The following PCDHA2 variants were observed in gnomAD, a reference collection of about 807,000 sequenced individuals.
The protein encoded by PCDHA2 is protocadherin alpha-2.
A neutral mutation model predicts 66.0 loss-of-function variants in PCDHA2; 58 were observed. The ratio of observed to expected loss-of-function variants is 0.88; its 90% confidence interval spans 0.71 to 1.09. The LOEUF (loss-of-function observed/expected upper bound fraction) is 1.09, where lower values mean the gene tolerates loss of function less well. Ranked by LOEUF, PCDHA2 falls within the 50% of genes least tolerant of loss-of-function variation. The pLI, the probability that PCDHA2 is intolerant of heterozygous loss-of-function variation, is 0.00. For missense variants in PCDHA2, 1,267 were observed against 1,242.3 expected (o/e 1.02, Z -0.30); for synonymous variants, 634 against 554.0 (o/e 1.14, Z -2.03).
rs559892183 is a variant in PCDHA2, at chr5:140,808,469, C to T, written c.2388+11117C>T. ...AGCCTATGAGCTGGTGGTGACCGCG[C>T]GAGACGGGGGCTCGCCTTCGCTGTG... On this transcript the variant is annotated intron_variant, in intron 1 of 3. Transcript: ENST00000526136. 180 of 1,614,168 alleles carry T rather than the reference C, an allele frequency of 1.1e-4. No individual in the cohort carries two copies. In the East Asian group the frequency reaches 4.0e-3, roughly 36 times the overall value.
chr5:140,851,595 G>A (rs1470017891), intron 1 of PCDHA2: 19 of 919,212 alleles, frequency 2.1e-5, no homozygotes, highest in Non-Finnish European at 2.5e-5. Flanking sequence ...TTGAAATTCA[G>A]TTTACAGAAA....
At chr5:140,798,887 T>G (rs782239650) in intron 1 of PCDHA2, among the ~76,000 whole-genome samples, 3 of 152,266 alleles carry the variant, frequency 2.0e-5, no homozygotes, top group Non-Finnish European at 4.4e-5. Flanking sequence ...AGTTATTTGC[T>G]GTTTATTCTA....
At chr5:140,918,252 C>T (rs931753296) in intron 1 of PCDHA2, among the ~76,000 whole-genome samples, 1 of 152,078 alleles carries the variant, frequency 6.6e-6, no homozygotes, top group East Asian at 1.9e-4. Context: ...TATGCTGAAA[C>T]TTTGCTGGAG....
chr5:140,823,082 C>T lies in PCDHA2; in HGVS notation c.2388+25730C>T, dbSNP rs1171267979. The T allele has an allele frequency of 4.3e-6, 7 of 1,613,782 alleles. No individual in the cohort carries two copies. The African/African-American group carries it at 8.0e-5, about 18-fold the overall frequency. On this transcript the variant is annotated intron_variant, in intron 1 of 3. Coordinates refer to ENST00000526136, the MANE Select transcript of PCDHA2 (RefSeq NM_018905.3). ...GACGGGGGCTCGCCTTCGCTGTGGG[C>T]CACCGCCAGCGTGTCTGTGGAAGTG...
At chr5:140,866,126 G>T (rs1435544560) in intron 1 of PCDHA2, 2 of 152,108 alleles carry the variant, frequency 1.3e-5, no homozygotes, top group African/African-American at 4.8e-5. Context: ...TAAGAACTAC[G>T]TATCTGTTGT....
In PCDHA2 at chr5:140,927,075, C is replaced by T. The variant is rs1304732952; in HGVS notation, c.2389-51874C>T. On this transcript the variant is annotated intron_variant, in intron 1 of 3. Transcript: ENST00000526136. ...GGAACTTTCGCTTCCTTTCCAGCCA[C>T]CGCGAGCTCTACTTCGGGGTGGATC... 2.5e-6 allele frequency: 4 copies of T among 1,611,188 alleles called. No homozygotes were observed. In the Admixed American group the frequency reaches 5.0e-5, roughly 20 times the overall value.
chr5:140,850,188 C>T (rs2150472267), intron 1 of PCDHA2: 1 of 1,593,702 alleles, frequency 6.3e-7, no homozygotes, highest in Non-Finnish European at 8.6e-7. Flanking sequence ...TGCGCCGGCG[C>T]TGCTGACACC....
At chr5:140,843,113 G>C (rs1234618172) in intron 1 of PCDHA2, 1 of 1,595,750 alleles carries the variant, frequency 6.3e-7, no homozygotes, top group African/African-American at 1.3e-5. Flanking sequence ...GCGCGCAGTG[G>C]ACGCCGACTC....
chr5:140,870,132 C>G (rs371110623), intron 1 of PCDHA2: 2 of 1,613,970 alleles, frequency 1.2e-6, no homozygotes, highest in East Asian at 2.2e-5. Flanking sequence ...TGGACACCAA[C>G]GATAACTCTC....
rs186756859 is a variant in PCDHA2, at chr5:140,846,728, A to G, written c.2388+49376A>G. 4.0e-5 allele frequency among the ~76,000 whole-genome samples: 6 copies of G among 149,464 alleles called. 1 individual carries two copies. The highest frequency in any genetic ancestry group is 2.0e-4 in the Admixed American group (3 of 14,884). On this transcript the variant is annotated intron_variant, in intron 1 of 3. Transcript: ENST00000526136. ...TTGTAATAACCAGTCTTCATTAAACATTAAATAGGACCCTTACAGATCTCT... is the reference window on the plus strand; with the variant it reads ...TTGTAATAACCAGTCTTCATTAAACGTTAAATAGGACCCTTACAGATCTCT...
intron 1 of PCDHA2, chr5:140,852,686 T>G: frequency 1.0e-6 from 1 of 969,714 alleles, no homozygotes; most frequent in Non-Finnish European, 1.2e-6. Context: ...TTGAATATAG[T>G]CTTATACTTT....
In PCDHA2 at chr5:140,883,729, C is replaced by T. The variant is rs572170960; in HGVS notation, c.2388+86377C>T. 8 of 1,613,520 alleles carry T rather than the reference C, an allele frequency of 5.0e-6. No homozygotes were observed. In the African/African-American group the frequency reaches 8.0e-5, roughly 16 times the overall value. ...CTCAGGACGCGGACGCACAGGAGAA[C>T]GCGCTGGTCTCCTACTCGCTGGTGG... On this transcript the variant is annotated intron_variant, in intron 1 of 3. Coordinates refer to ENST00000526136, the MANE Select transcript of PCDHA2 (RefSeq NM_018905.3).
intron 1 of PCDHA2, among the ~76,000 whole-genome samples, chr5:140,820,122 T>C (rs1227258253): frequency 6.6e-6 from 1 of 151,978 alleles, no homozygotes; most frequent in Non-Finnish European, 1.5e-5. Flanking sequence ...TTTTTAACCA[T>C]TGTGTATTAA....
intron 1 of PCDHA2, among the ~76,000 whole-genome samples, chr5:140,909,492 C>T (rs955748526): frequency 4.6e-5 from 7 of 152,160 alleles, no homozygotes; most frequent in East Asian, 3.9e-4. Context: ...GAGAGCTGAA[C>T]GGGGATGTGG....
At chr5:141,002,532 C>T (rs571310813) in intron 3 of PCDHA2, among the ~76,000 whole-genome samples, 26 of 152,270 alleles carry the variant, frequency 1.7e-4, no homozygotes, top group African/African-American at 6.0e-4. Flanking sequence ...AGTCAGACTC[C>T]CTAGATTTGA....
intron 1 of PCDHA2, among the ~76,000 whole-genome samples, chr5:140,798,125 G>T (rs142335183): frequency 0.011 from 1,732 of 152,174 alleles, 36 homozygotes; most frequent in African/African-American, 0.04. Flanking sequence ...ACCCTCCTAG[G>T]CCTCCCAAAG....
At chr5:140,871,131 G>A (rs781968741) in intron 1 of PCDHA2, 2 of 1,613,386 alleles carry the variant, frequency 1.2e-6, no homozygotes, top group South Asian at 2.2e-5. Flanking sequence ...AGGCGCCAAA[G>A]GCCTCTTCCC....
chr5:140,849,642 G>T (rs2150443693), intron 1 of PCDHA2: 2 of 1,598,700 alleles, frequency 1.3e-6, no homozygotes, highest in Non-Finnish European at 1.7e-6. Flanking sequence ...AGATGCCAAC[G>T]GGCAGGTTAC....
Position 140,876,427 on chromosome 5 carries a change from C to T in PCDHA2, c.2388+79075C>T, listed in dbSNP as rs267600399. 4 of 1,613,798 alleles carry T rather than the reference C, an allele frequency of 2.5e-6. No homozygotes were observed. The African/African-American group carries it at 5.3e-5, about 22-fold the overall frequency. On this transcript the variant is annotated intron_variant, in intron 1 of 3. Coordinates refer to ENST00000526136, the MANE Select transcript of PCDHA2 (RefSeq NM_018905.3). ...TGAAGAGAATAATGCCTATGAAATT[C>T]AGGTTAACGCCATTGATAAAGGGAT...
Sources: gnomAD v4.1 joint callset for allele counts (sites outside exome capture counted in the v4.1 genomes callset) on GRCh38, gnomAD v4.1.1 for gene constraint, MANE v1.5 for transcripts, NCBI Gene and HGNC (gene_info 2026-07-23, HGNC 2026-07-21) for gene names.